PDE1A: variants seen among roughly 807,000 people sequenced by gnomAD.
The protein encoded by PDE1A is dual specificity calcium/calmodulin-dependent 3',5'-cyclic nucleotide phosphodiesterase 1A.
A neutral mutation model predicts 61.7 loss-of-function variants in PDE1A; 35 were observed. The observed-to-expected ratio is 0.57, with a 90% CI of 0.43 to 0.75. The LOEUF is 0.75. Among genes scored for constraint, PDE1A ranks in the 30% least tolerant of loss-of-function variants. PDE1A has a pLI of 0.00. For missense variants in PDE1A, 597 were observed against 630.6 expected (o/e 0.95, Z 0.57); for synonymous variants, 232 against 213.2 (o/e 1.09, Z -0.77).
chr2:182,564,762 T>C, the PDE1A span, among the ~76,000 whole-genome samples: 2 of 152,192 alleles, frequency 1.3e-5, no homozygotes, highest in Non-Finnish European at 1.5e-5. Context: ...CTTTTTATTC[T>C]TTTTTCTCTA....
intron 10 of PDE1A, among the ~76,000 whole-genome samples, chr2:182,196,576 A>G (rs1002151622): frequency 6.6e-6 from 1 of 151,886 alleles, no homozygotes; most frequent in Non-Finnish European, 1.5e-5. Flanking sequence ...TGATTAAGAT[A>G]TAGAGCATTT....
chr2:182,186,335 G>C, intron 12 of PDE1A, 133 bp downstream of exon 12: 1 of 1,055,984 alleles, frequency 9.5e-7, no homozygotes, highest in South Asian at 1.5e-5. Flanking sequence ...ATAATATAAA[G>C]CCACTAGGTG....
intron 1 of PDE1A, among the ~76,000 whole-genome samples, chr2:182,381,693 T>A (rs1303581993): frequency 2.0e-5 from 3 of 151,994 alleles, no homozygotes; most frequent in African/African-American, 7.2e-5. Context: ...ATGCCTATAA[T>A]CTCAGCTACT....
At chr2:182,257,724 G>A (rs559218744) in intron 2 of PDE1A, among the ~76,000 whole-genome samples, 2 of 152,286 alleles carry the variant, frequency 1.3e-5, no homozygotes, top group South Asian at 4.1e-4. Flanking sequence ...TTTAGTCACA[G>A]AACTTGAGGT....
intron 2 of PDE1A, among the ~76,000 whole-genome samples, chr2:182,486,037 T>C (rs976112611): frequency 4.0e-5 from 6 of 151,404 alleles, no homozygotes; most frequent in African/African-American, 1.5e-4. Flanking sequence ...GACTACAGAT[T>C]CTTTAGGTAG....
Position 182,376,294 on chromosome 2 carries a change from G to A in PDE1A, c.53+50284C>T, listed in dbSNP as rs185966226. ...ATTGAATGCCTTTAACAGCACCCAAGTCACCTCTTGAATGCTTTGCTGCTT... is the reference window on the plus strand; with the variant it reads ...ATTGAATGCCTTTAACAGCACCCAAATCACCTCTTGAATGCTTTGCTGCTT... On this transcript the variant is annotated intron_variant, in intron 1 of 13. Coordinates refer to ENST00000351439, the Ensembl canonical transcript of PDE1A. Among the ~76,000 whole-genome samples, 4 of 152,234 alleles carry A rather than the reference G, an allele frequency of 2.6e-5. No homozygotes were observed. The East Asian group carries it at 7.7e-4, about 29-fold the overall frequency.
intron 1 of PDE1A, among the ~76,000 whole-genome samples, chr2:182,405,357 T>C (rs370889811): frequency 6.6e-6 from 1 of 152,228 alleles, no homozygotes; most frequent in African/African-American, 2.4e-5. Context: ...AGGAGGCTTA[T>C]TGCCATCTAA....
intron 2 of PDE1A, among the ~76,000 whole-genome samples, chr2:182,469,266 C>T (rs1311257437): frequency 6.6e-6 from 1 of 151,944 alleles, no homozygotes; most frequent in East Asian, 1.9e-4. Context: ...TAGCTACCTT[C>T]ATCAATAATC....
chr2:182,690,506 AT>A, the PDE1A span, among the ~76,000 whole-genome samples: 4 of 152,176 alleles, frequency 2.6e-5, no homozygotes, highest in Non-Finnish European at 5.9e-5. Context: ...CTCTCAATAA[AT>A]TAGGTATTGA....
chr2:182,216,127 A>T (rs911692928), intron 7 of PDE1A, among the ~76,000 whole-genome samples: 3 of 82,020 alleles, frequency 3.7e-5, no homozygotes, highest in Non-Finnish European at 2.5e-5. Context: ...CAAATCAATA[A>T]ATGTAATCCG....
At chr2:182,188,943 C>A in intron 11 of PDE1A, 36 bp downstream of exon 11, 1 of 1,391,686 alleles carries the variant, frequency 7.2e-7, no homozygotes, top group South Asian at 1.2e-5. Flanking sequence ...GACAAGCACA[C>A]ACTCACTTTC....
At chr2:182,455,395 T>C (rs1685838850) in intron 2 of PDE1A, among the ~76,000 whole-genome samples, 1 of 151,956 alleles carries the variant, frequency 6.6e-6, no homozygotes, top group Non-Finnish European at 1.5e-5. Flanking sequence ...GACCCAGCCA[T>C]CCCATTACTG....
At chr2:182,314,842 T>C (rs1696234107) in intron 1 of PDE1A, among the ~76,000 whole-genome samples, 1 of 152,146 alleles carries the variant, frequency 6.6e-6, no homozygotes, top group African/African-American at 2.4e-5. Flanking sequence ...TATATGTTAA[T>C]TATGCCTCAA....
chr2:182,701,734 C>G, the PDE1A span, among the ~76,000 whole-genome samples: 5 of 152,178 alleles, frequency 3.3e-5, no homozygotes, highest in East Asian at 9.7e-4. Context: ...TGTCCCAAAC[C>G]ACCGATTCAC....
intron 13 of PDE1A, among the ~76,000 whole-genome samples, chr2:182,149,741 T>A (rs1036017546): frequency 6.6e-6 from 1 of 152,146 alleles, no homozygotes; most frequent in Non-Finnish European, 1.5e-5. Context: ...GCATTTTCAA[T>A]CCATTAAAGA....
At chr2:182,347,129 T>G (rs1206188951) in intron 1 of PDE1A, among the ~76,000 whole-genome samples, 4 of 140 alleles carry the variant, frequency 0.029, no homozygotes, top group African/African-American at 0.1. Context: ...AAAGCTGAGT[T>G]TTTTTTTTCC....
rs758987807 is a variant in PDE1A at position 182,264,416 on chromosome 2, T to C, written c.54-2A>G. 3 of 1,607,630 alleles carry C rather than the reference T, an allele frequency of 1.9e-6. No individual in the cohort carries two copies. Among genetic ancestry groups the C allele is most frequent in the Non-Finnish European group, 2.6e-6 (3 of 1,175,768 alleles). On this transcript the variant is annotated splice_acceptor_variant, in intron 1 of 13. Transcript: ENST00000351439. LOFTEE classifies it high-confidence loss of function. ...AGCTGCTTCACCAAGCATCTTAGTC[T>C]ATTTCAAAAAAGTAGCCAAAGAGAG...
At chr2:182,359,812 C>T (rs1699396946) in intron 1 of PDE1A, among the ~76,000 whole-genome samples, 1 of 152,082 alleles carries the variant, frequency 6.6e-6, no homozygotes, top group Non-Finnish European at 1.5e-5. Context: ...TCTGAGGAAA[C>T]TCAGATGATC....
intron 2 of PDE1A, among the ~76,000 whole-genome samples, chr2:182,510,499 T>C (rs1267086531): frequency 6.6e-6 from 1 of 152,190 alleles, no homozygotes; most frequent in African/African-American, 2.4e-5. Flanking sequence ...ATATGTTAAA[T>C]GACAAAATCT....
Sources: gnomAD v4.1 joint callset for allele counts (sites outside exome capture counted in the v4.1 genomes callset) on GRCh38, gnomAD v4.1.1 for gene constraint, MANE v1.5 for transcripts, NCBI Gene and HGNC (gene_info 2026-07-23, HGNC 2026-07-21) for gene names.